The following SLC1A1 variants were observed in gnomAD, a reference collection of about 807,000 sequenced individuals.
SLC1A1 encodes the protein solute carrier family 1 member 1, also known as excitatory amino acid transporter 3.
SLC1A1 carries 43 observed loss-of-function variants against 53.3 expected under a neutral mutation model. The ratio of observed to expected loss-of-function variants is 0.81; its 90% CI spans 0.63 to 1.04. The LOEUF (loss-of-function observed/expected upper bound fraction) is 1.04. Ranked by LOEUF, SLC1A1 falls within the 50% of genes least tolerant of loss-of-function variation. The pLI is 0.00. For missense variants in SLC1A1, 748 were observed against 664.9 expected (o/e 1.12, Z -1.37); for synonymous variants, 307 against 243.2 (o/e 1.26, Z -2.44).
At chr9:4,557,734 G>A (rs1051168646) in intron 2 of SLC1A1, among the ~76,000 whole-genome samples, 1 of 152,174 alleles carries the variant, frequency 6.6e-6, no homozygotes, top group Non-Finnish European at 1.5e-5. Flanking sequence ...GCTACTGCAG[G>A]GGACAGCACA....
chr9:4,558,034 T>A (rs1384062953), intron 2 of SLC1A1, among the ~76,000 whole-genome samples: 1 of 152,054 alleles, frequency 6.6e-6, no homozygotes, highest in Non-Finnish European at 1.5e-5. Flanking sequence ...CAATATAGTG[T>A]TTATTGTCAT....
intron 1 of SLC1A1, among the ~76,000 whole-genome samples, chr9:4,521,249 T>G (rs1292052987): frequency 6.6e-6 from 1 of 152,232 alleles, no homozygotes; most frequent in African/African-American, 2.4e-5. Flanking sequence ...TTTAATTTTT[T>G]TCTGCCATAT....
intron 6 of SLC1A1, among the ~76,000 whole-genome samples, chr9:4,570,228 GC>G (rs1005666245): frequency 5.9e-5 from 9 of 152,106 alleles, no homozygotes; most frequent in African/African-American, 2.2e-4. Flanking sequence ...GCTATTATTG[GC>G]TCATGCTTCT....
At chr9:4,574,135 T>A in intron 8 of SLC1A1, 121 bp downstream of exon 8, 1 of 758,096 alleles carries the variant, frequency 1.3e-6, no homozygotes. Flanking sequence ...AAGATAGGGT[T>A]CAGAGATAAG....
chr9:4,585,032 C>T (rs1039623363), intron 11 of SLC1A1, among the ~76,000 whole-genome samples: 66 of 152,076 alleles, frequency 4.3e-4, no homozygotes, highest in African/African-American at 1.5e-3. Flanking sequence ...TCCCTCAGTC[C>T]CCCAAAAAAT....
At chr9:4,580,639 G>GTGTGTGTA (rs1564067148) in intron 10 of SLC1A1, among the ~76,000 whole-genome samples, 5 of 142,694 alleles carry the variant, frequency 3.5e-5, no homozygotes, top group Non-Finnish European at 7.7e-5. Context: ...GTGTGTGTGT[G>GTGTGTGTA]TGTGTGTGTG....
At position 4,490,727 on chromosome 9, in the gene SLC1A1, G is replaced by A. The variant is rs368192581; in HGVS notation, c.48G>A (p.Lys16=). The change falls in exon 1 of 12, where the codon AAG becomes AAA. Residue 16 remains lysine, a synonymous_variant. Transcript: ENST00000262352. ...GATGCGAGTGGAAGCGCTTCCTGAA[G>A]AATAACTGGGTGTTGCTGTCCACCG... ...RKGCEWKRFL[K]NNWVLLSTVA... 6.2e-7 allele frequency: 1 copy of A among 1,612,858 alleles called. No homozygotes were observed.
At chr9:4,555,709 T>A (rs1445523510) in intron 2 of SLC1A1, among the ~76,000 whole-genome samples, 1 of 152,210 alleles carries the variant, frequency 6.6e-6, no homozygotes, top group Non-Finnish European at 1.5e-5. Context: ...CACAGGGAAC[T>A]GGAATCGTGC....
intron 2 of SLC1A1, among the ~76,000 whole-genome samples, chr9:4,548,344 T>A (rs1586754644): frequency 1.3e-5 from 2 of 152,198 alleles, no homozygotes; most frequent in African/African-American, 4.8e-5. Context: ...TAGCTTAACG[T>A]ATACAGTTAT....
intron 1 of SLC1A1, among the ~76,000 whole-genome samples, chr9:4,525,108 C>A (rs1179474279): frequency 6.6e-6 from 1 of 152,114 alleles, no homozygotes; most frequent in African/African-American, 2.4e-5. Context: ...TCTTGGCCCA[C>A]GTGAGTGAAG....
intron 1 of SLC1A1, among the ~76,000 whole-genome samples, chr9:4,533,888 A>C (rs1208343797): frequency 1.3e-5 from 2 of 152,204 alleles, no homozygotes; most frequent in Admixed American, 1.3e-4. Context: ...TCAAACTAGA[A>C]CTCAGGATTG....
chr9:4,533,560 A>T (rs1244145951), intron 1 of SLC1A1, among the ~76,000 whole-genome samples: 1 of 152,212 alleles, frequency 6.6e-6, no homozygotes. Context: ...CCAGATTCAT[A>T]AAGCAAATCC....
chr9:4,576,731 G>A lies in SLC1A1; in HGVS notation c.1161G>A (p.Leu387=), dbSNP rs757318003. The change falls in exon 10 of 12, where the codon CTG becomes CTA. Residue 387 remains leucine (L), a synonymous_variant. Coordinates refer to ENST00000262352, the MANE Select transcript of SLC1A1 (RefSeq NM_004170.6). ...AAVFIAQLND[L]DLGIGQIITI... ...TGTTTATTGCACAGTTGAATGACCT[G>A]GACTTGGGCATTGGGCAGATCATCA... is the stretch of plus-strand genomic sequence containing the variant. 6.2e-6 allele frequency: 10 copies of A among 1,614,168 alleles called. No homozygotes were observed. The South Asian group carries it at 8.8e-5, about 14-fold the overall frequency.
intron 6 of SLC1A1, among the ~76,000 whole-genome samples, chr9:4,570,010 G>A (rs1335281888): frequency 1.3e-5 from 2 of 152,172 alleles, no homozygotes; most frequent in South Asian, 2.1e-4. Context: ...CATAATGAAT[G>A]AGCAAGAATT....
intron 1 of SLC1A1, among the ~76,000 whole-genome samples, chr9:4,502,577 T>G (rs1820673995): frequency 6.6e-6 from 1 of 151,466 alleles, no homozygotes; most frequent in Non-Finnish European, 1.5e-5. Flanking sequence ...TACAATGAGT[T>G]AGGGGGTTCC....
At chr9:4,548,705 C>G (rs1201894246) in intron 2 of SLC1A1, among the ~76,000 whole-genome samples, 1 of 151,864 alleles carries the variant, frequency 6.6e-6, no homozygotes, top group Non-Finnish European at 1.5e-5. Flanking sequence ...ATGATGATGG[C>G]ATATAGTTGT....
At chr9:4,566,942 T>A (rs117115538) in intron 5 of SLC1A1, among the ~76,000 whole-genome samples, 3,637 of 152,290 alleles carry the variant, frequency 0.024, 76 homozygotes, top group South Asian at 0.043. Flanking sequence ...GGCAACTCTG[T>A]TGCTCTCTGC....
chr9:4,569,099 C>T (rs990382878), intron 6 of SLC1A1, among the ~76,000 whole-genome samples: 3 of 152,180 alleles, frequency 2.0e-5, no homozygotes, highest in Non-Finnish European at 4.4e-5. Flanking sequence ...GCCCTGTTGC[C>T]TCTACCTCTC....
chr9:4,544,760 A>G, intron 2 of SLC1A1, 53 bp downstream of exon 2: 1 of 1,449,292 alleles, frequency 6.9e-7, no homozygotes, highest in Non-Finnish European at 9.7e-7. Context: ...ATACTGCTGT[A>G]AAGAACTTCC....
Sources: allele counts gnomAD v4.1 joint callset (sites outside exome capture counted in the v4.1 genomes callset), GRCh38; gene constraint gnomAD v4.1.1; transcripts MANE v1.5; gene names NCBI Gene and HGNC (gene_info 2026-07-23, HGNC 2026-07-21).